Variants in ERC2 observed in about 807,000 individuals in gnomAD.
ERC2 encodes ERC protein 2.
Under a neutral mutation model 114.8 loss-of-function variants are expected in ERC2, and 42 were observed. The observed-to-expected ratio is 0.37, with a 90% CI of 0.29 to 0.47. ERC2 has a LOEUF of 0.47. Ranked by LOEUF, ERC2 falls within the 20% of genes least tolerant of loss-of-function variation. The pLI is 0.99. For missense variants in ERC2, 939 were observed against 1,150.7 expected, an observed-to-expected ratio of 0.82 and a Z score of 2.66; for synonymous variants, 454 against 425.5, an observed-to-expected ratio of 1.07 and a Z score of -0.82.
At chr3:55,738,769 A>T (rs1346738037) in intron 14 of ERC2, among the ~76,000 whole-genome samples, 4 of 152,128 alleles carry the variant, frequency 2.6e-5, no homozygotes, top group African/African-American at 7.2e-5. Flanking sequence ...ATCATTTTTT[A>T]AAATTATTTT....
At chr3:55,990,985 C>T (rs1229796939) in intron 11 of ERC2, among the ~76,000 whole-genome samples, 1 of 152,084 alleles carries the variant, frequency 6.6e-6, no homozygotes, top group Non-Finnish European at 1.5e-5. Context: ...GTCCCAGCTA[C>T]TCAGGGGGCC....
chr3:56,296,958 T>G (rs192240088), intron 2 of ERC2, among the ~76,000 whole-genome samples: 1 of 152,116 alleles, frequency 6.6e-6, no homozygotes, highest in Non-Finnish European at 1.5e-5. Context: ...ACAGGTTTAG[T>G]AAACAGGATT....
At chr3:56,085,672 A>T (rs986012589) in intron 6 of ERC2, among the ~76,000 whole-genome samples, 1 of 152,188 alleles carries the variant, frequency 6.6e-6, no homozygotes, top group Non-Finnish European at 1.5e-5. Flanking sequence ...GTAGGTTTTC[A>T]TTATATCTGG....
intron 17 of ERC2, among the ~76,000 whole-genome samples, chr3:55,620,812 A>T (rs1389410325): frequency 6.6e-6 from 1 of 152,192 alleles, no homozygotes; most frequent in African/African-American, 2.4e-5. Flanking sequence ...TTGCAGCCCT[A>T]TCTTAAATCC....
chr3:55,821,310 G>A (rs181228168), intron 14 of ERC2, among the ~76,000 whole-genome samples: 29 of 152,196 alleles, frequency 1.9e-4, no homozygotes, highest in African/African-American at 6.3e-4. Flanking sequence ...CTGGCTCGCC[G>A]GCCACTGTGG....
intron 12 of ERC2, among the ~76,000 whole-genome samples, chr3:55,978,204 C>T (rs528250028): frequency 1.3e-5 from 2 of 152,286 alleles, no homozygotes; most frequent in South Asian, 4.1e-4. Context: ...TACATGAATA[C>T]AGAAAGGCAG....
At chr3:56,296,472 A>C (rs944012578) in intron 2 of ERC2, 37 bp from the exon 3 acceptor site, 26 of 1,559,270 alleles carry the variant, frequency 1.7e-5, no homozygotes, top group Middle Eastern at 3.4e-4. Context: ...AGGAGAAAGA[A>C]GGAAAAAAAG....
In ERC2 at chr3:56,256,429, A is replaced by G. The variant is rs1013073497; in HGVS notation, c.1074+39590T>C. 2.6e-5 allele frequency among the ~76,000 whole-genome samples: 4 copies of G among 152,172 alleles called. No individual in the cohort carries two copies. The East Asian group carries it at 7.7e-4, about 29-fold the overall frequency. Reference sequence around the variant, plus strand: ...CCTAATGAGAATTATCTCAATATCCAGGTATTTGAGACAGATTTATTTTCT... The same window carrying G: ...CCTAATGAGAATTATCTCAATATCCGGGTATTTGAGACAGATTTATTTTCT... On this transcript the variant is annotated intron_variant, in intron 3 of 17. Transcript: ENST00000288221.
chr3:56,395,165 G>C (rs1275242831), intron 2 of ERC2, among the ~76,000 whole-genome samples: 1 of 152,066 alleles, frequency 6.6e-6, no homozygotes, highest in African/African-American at 2.4e-5. Context: ...TAATGGGTGA[G>C]TTTCTTTTTT....
Position 55,778,802 on chromosome 3 carries a change from A to C in ERC2, c.2565-43884T>G, listed in dbSNP as rs113220599. Among the ~76,000 whole-genome samples the C allele has an allele frequency of 6.5e-3, 990 of 152,344 alleles. 9 individuals are homozygous for C. The highest frequency in any genetic ancestry group is 0.022 in the African/African-American group (928 of 41,586). On this transcript the variant is annotated intron_variant, in intron 14 of 17. Coordinates refer to ENST00000288221, the MANE Select transcript of ERC2 (RefSeq NM_015576.3). ...ATTGATAAAGGATGTTCATGCATAC[A>C]AATAATTAGGAAAATGAAAAGTAAA...
At chr3:56,056,838 CT>C (rs1204088652) in intron 7 of ERC2, among the ~76,000 whole-genome samples, 1 of 152,104 alleles carries the variant, frequency 6.6e-6, no homozygotes, top group Non-Finnish European at 1.5e-5. Context: ...TAGGCATACT[CT>C]TTTTTAAAAA....
chr3:55,852,883 G>T (rs1038489677), intron 14 of ERC2, among the ~76,000 whole-genome samples: 17 of 152,254 alleles, frequency 1.1e-4, no homozygotes, highest in Admixed American at 1.3e-4. Context: ...AGGAGTTTTT[G>T]AATTTGGCAC....
At chr3:56,171,229 C>T (rs1414841630) in intron 4 of ERC2, among the ~76,000 whole-genome samples, 3 of 152,094 alleles carry the variant, frequency 2.0e-5, no homozygotes, top group African/African-American at 7.2e-5. Context: ...TCCAATATTC[C>T]CACCAATTTC....
At chr3:55,688,024 G>T (rs1418812676) in intron 16 of ERC2, among the ~76,000 whole-genome samples, 2 of 152,154 alleles carry the variant, frequency 1.3e-5, no homozygotes, top group African/African-American at 4.8e-5. Context: ...GGAATGCTTA[G>T]TCCATGGATG....
intron 14 of ERC2, among the ~76,000 whole-genome samples, chr3:55,836,145 A>G (rs1364026708): frequency 6.6e-5 from 10 of 151,936 alleles, no homozygotes; most frequent in Non-Finnish European, 1.0e-4. Flanking sequence ...TCCTGGGTAG[A>G]AAGAATCAAT....
intron 17 of ERC2, among the ~76,000 whole-genome samples, chr3:55,575,204 G>T (rs772551875): frequency 2.2e-4 from 34 of 152,116 alleles, no homozygotes; most frequent in Non-Finnish European, 3.4e-4. Flanking sequence ...TTTTAGTAGA[G>T]ACGGGGTTTC....
intron 17 of ERC2, among the ~76,000 whole-genome samples, chr3:55,537,031 TA>T (rs1240880995): frequency 6.6e-6 from 1 of 151,984 alleles, no homozygotes; most frequent in African/African-American, 2.4e-5. Context: ...GGGTCCAGAT[TA>T]AAAAGAGAGA....
intron 14 of ERC2, among the ~76,000 whole-genome samples, chr3:55,867,853 A>G (rs1296009485): frequency 2.0e-5 from 3 of 152,196 alleles, no homozygotes; most frequent in African/African-American, 7.2e-5. Flanking sequence ...TTATAGCTAT[A>G]AAGTTTTATA....
intron 6 of ERC2, among the ~76,000 whole-genome samples, chr3:56,083,276 C>T (rs930356971): frequency 6.6e-6 from 1 of 152,036 alleles, no homozygotes; most frequent in African/African-American, 2.4e-5. Context: ...CAAAAGCACC[C>T]CGAGTGAAAG....
Sources: gnomAD v4.1 joint callset for allele counts (sites outside exome capture counted in the v4.1 genomes callset) on GRCh38, gnomAD v4.1.1 for gene constraint, MANE v1.5 for transcripts, NCBI Gene and HGNC (gene_info 2026-07-23, HGNC 2026-07-21) for gene names.